The following BRF1 variants were observed in gnomAD, a reference collection of about 807,000 sequenced individuals.
BRF1 encodes BRF1 general transcription factor IIIB subunit, also known as transcription factor IIIB 90 kDa subunit.
A neutral mutation model predicts 81.7 loss-of-function variants in BRF1; 59 were observed. The observed-to-expected ratio is 0.72, with a 90% CI of 0.59 to 0.90. BRF1 has a LOEUF of 0.90. Among genes scored for constraint, BRF1 ranks in the 40% least tolerant of loss-of-function variants. BRF1 has a pLI of 0.00. For synonymous variants in BRF1, 491 were observed against 395.6 expected, an observed-to-expected ratio of 1.24 and a Z score of -2.86; for missense variants, 1,050 against 936.3, an observed-to-expected ratio of 1.12 and a Z score of -1.58.
chr14:105,254,465 G>A (rs2055768347), intron 4 of BRF1, among the ~76,000 whole-genome samples: 1 of 152,108 alleles, frequency 6.6e-6, no homozygotes, highest in Non-Finnish European at 1.5e-5. Flanking sequence ...CACCGCGTTA[G>A]ACAGGATGGT....
At chr14:105,312,679 G>C (rs587653778) in intron 1 of BRF1, among the ~76,000 whole-genome samples, 1 of 152,342 alleles carries the variant, frequency 6.6e-6, no homozygotes. Context: ...TTTTCCGACA[G>C]AGGAGGGCAG....
intron 4 of BRF1, chr14:105,256,094 C>T: frequency 8.7e-7 from 1 of 1,145,672 alleles, no homozygotes. Flanking sequence ...CACTGCACTC[C>T]AGCCTGGGTG....
At chr14:105,213,367 T>G (rs1371394914) in intron 15 of BRF1, 1 of 151,366 alleles carries the variant, frequency 6.6e-6, no homozygotes, top group Non-Finnish European at 1.5e-5. Flanking sequence ...AGGCCCCCAT[T>G]GAGAAGGGCC....
chr14:105,294,556 C>T (rs2057657424), intron 1 of BRF1, among the ~76,000 whole-genome samples: 1 of 152,244 alleles, frequency 6.6e-6, no homozygotes, highest in Non-Finnish European at 1.5e-5. Context: ...TGTGACACAG[C>T]TGCAAACTCT....
chr14:105,293,824 T>C (rs1314908768), intron 1 of BRF1, among the ~76,000 whole-genome samples: 2 of 152,240 alleles, frequency 1.3e-5, no homozygotes, highest in Admixed American at 6.5e-5. Context: ...CTGAGGCCTC[T>C]GGTCACCTGC....
upstream of BRF1, among the ~76,000 whole-genome samples, chr14:105,305,229 T>C (rs114011668): frequency 2.0e-3 from 307 of 152,064 alleles, no homozygotes; most frequent in African/African-American, 7.1e-3. Context: ...GGCAAAACCC[T>C]GACTCTACAA....
At chr14:105,219,968 G>A in intron 12 of BRF1, 101 bp downstream of exon 12, 8 of 1,343,746 alleles carry the variant, frequency 6.0e-6, no homozygotes, top group South Asian at 4.8e-5. Flanking sequence ...GGTGGGCTCT[G>A]GGCAGGGGAG....
rs941859189 is a variant in BRF1 at position 105,272,989 on chromosome 14, T to C, written c.266-95A>G. ...AGCAGCAACTTTAAGAATATAGATT[T>C]GTGCTTTTCCTTGTAAGTTTCTGAG... On this transcript the variant is annotated intron_variant, in intron 2 of 17. Coordinates refer to ENST00000547530, the MANE Select transcript of BRF1 (RefSeq NM_001519.4). The C allele has an allele frequency of 1.5e-5, 21 of 1,364,040 alleles. No homozygotes were observed. In the Admixed American group the frequency reaches 5.7e-4, roughly 37 times the overall value. 84.5% of individuals were successfully genotyped at this position (1,364,040 alleles called of 1,614,324 possible). A position where few individuals can be genotyped will look rare whatever the true frequency, so the allele number is the denominator to read the frequency against.
chr14:105,224,676 G>C (rs1892811227), intron 10 of BRF1, among the ~76,000 whole-genome samples: 1 of 152,126 alleles, frequency 6.6e-6, no homozygotes, highest in South Asian at 2.1e-4. Context: ...GCCTCCCGAG[G>C]AGCTGGGACT....
intron 11 of BRF1, 75 bp downstream of exon 11, chr14:105,221,573 T>C: frequency 6.5e-7 from 1 of 1,537,958 alleles, no homozygotes; most frequent in Non-Finnish European, 8.7e-7. Context: ...AGCATCCGGC[T>C]CTCCCCATGA....
At chr14:105,229,595 A>T (rs72709736) in intron 6 of BRF1, among the ~76,000 whole-genome samples, 1 of 151,934 alleles carries the variant, frequency 6.6e-6, no homozygotes, top group Non-Finnish European at 1.5e-5. Flanking sequence ...GACAGCTGCG[A>T]CCTGGGGGGT....
intron 1 of BRF1, among the ~76,000 whole-genome samples, chr14:105,296,691 G>GAA (rs200878296): frequency 2.4e-5 from 2 of 84,676 alleles, no homozygotes; most frequent in Non-Finnish European, 5.1e-5. Context: ...CAAAAAAAAA[G>GAA]AAAAAAAAAA....
chr14:105,256,261 G>A, intron 4 of BRF1: 2 of 1,543,910 alleles, frequency 1.3e-6, no homozygotes, highest in Non-Finnish European at 8.7e-7. Context: ...CCCAGGCCTA[G>A]CTAACACCCA....
At chr14:105,278,949 C>T (rs1380584248) in intron 2 of BRF1, among the ~76,000 whole-genome samples, 1 of 152,008 alleles carries the variant, frequency 6.6e-6, no homozygotes, top group Non-Finnish European at 1.5e-5. Context: ...GAGGCTAAGG[C>T]AGGAGAATCG....
chr14:105,256,192 C>CA (rs1271831504), intron 4 of BRF1: 26 of 1,530,834 alleles, frequency 1.7e-5, no homozygotes, highest in Non-Finnish European at 2.1e-5. Flanking sequence ...TAGGTACTCA[C>CA]AAAAAAATTT....
intron 10 of BRF1, 171 bp from the exon 11 acceptor site, chr14:105,222,085 G>A (rs751015353): frequency 7.0e-6 from 5 of 714,036 alleles, no homozygotes; most frequent in South Asian, 2.3e-5. Context: ...CGCACTGCAC[G>A]CGGAAGTTAG....
At chr14:105,249,924 C>T (rs1253470235) in intron 5 of BRF1, 5 of 1,611,496 alleles carry the variant, frequency 3.1e-6, no homozygotes, top group Non-Finnish European at 4.2e-6. Context: ...ATCATTGTCA[C>T]TCGGGAGGCC....
At chr14:105,245,347 C>G (rs972768627) in intron 5 of BRF1, among the ~76,000 whole-genome samples, 5 of 151,658 alleles carry the variant, frequency 3.3e-5, no homozygotes, top group Non-Finnish European at 5.9e-5. Context: ...AGTGACAGAG[C>G]AAGACTCCAT....
upstream of BRF1, among the ~76,000 whole-genome samples, chr14:105,302,274 G>T (rs1283998871): frequency 6.6e-6 from 1 of 150,550 alleles, no homozygotes; most frequent in Non-Finnish European, 1.5e-5. Flanking sequence ...TGAGATATCG[G>T]CTCACTGCAA....
Sources: gnomAD v4.1 joint callset for allele counts (sites outside exome capture counted in the v4.1 genomes callset) on GRCh38, gnomAD v4.1.1 for gene constraint, MANE v1.5 for transcripts, NCBI Gene and HGNC (gene_info 2026-07-23, HGNC 2026-07-21) for gene names.